CNGB3: variants seen among roughly 807,000 people sequenced by gnomAD.
The protein encoded by CNGB3 is cyclic nucleotide-gated channel beta-3.
Under a neutral mutation model 92.8 loss-of-function variants are expected in CNGB3, and 86 were observed. That is an observed-to-expected ratio of 0.93 (90% CI 0.78 to 1.11). The LOEUF (loss-of-function observed/expected upper bound fraction) is 1.11, where lower values mean the gene tolerates loss of function less well. Ranked by LOEUF, CNGB3 falls within the 50% of genes least tolerant of loss-of-function variation. The pLI is 0.00. For synonymous variants in CNGB3, 333 were observed against 332.7 expected (o/e 1.00, Z -0.01); for missense variants, 1,026 against 956.8 (o/e 1.07, Z -0.95).
At chr8:86,657,481 C>G (rs1823534263) in intron 6 of CNGB3, 4 of 515,428 alleles carry the variant, frequency 7.8e-6, no homozygotes, top group Non-Finnish European at 1.6e-5. Flanking sequence ...GGTTCTGCAT[C>G]TCAGGAAGCA....
chr8:86,714,266 G>A (rs1262026883), intron 3 of CNGB3, among the ~76,000 whole-genome samples: 1 of 152,014 alleles, frequency 6.6e-6, no homozygotes, highest in Non-Finnish European at 1.5e-5. Flanking sequence ...TGTAATCATA[G>A]AGTGTGTACA....
chr8:86,632,702 G>A (rs762944526), intron 11 of CNGB3, 50 bp downstream of exon 11: 3 of 1,588,534 alleles, frequency 1.9e-6, no homozygotes, highest in Non-Finnish European at 2.6e-6. Flanking sequence ...AGACCTGTTA[G>A]TCTTTCAAAA....
At chr8:86,628,793 T>C in intron 12 of CNGB3, 126 bp downstream of exon 12, 1 of 1,012,406 alleles carries the variant, frequency 9.9e-7, no homozygotes, top group Non-Finnish European at 1.5e-6. Flanking sequence ...ATTAAACGAA[T>C]GCTTTAAGGA....
In CNGB3 at chr8:86,575,906, G is replaced by A; in HGVS notation, c.2328C>T (p.Pro776=). The A allele has an allele frequency of 6.2e-7, 1 of 1,613,700 alleles. No individual in the cohort carries two copies. ...EPHSVRRTVL[P]RGTSRQSLII... is the part of the protein sequence containing the mutation. ...TGAGTGATTGACGAGAAGTCCCTCT[G>A]GGTAAAACTGTCCTTCTAACTGAGT... Residue 776 remains proline, a synonymous_variant, in exon 18 of 18, where the codon CCC becomes CCT. Transcript: ENST00000320005.
At chr8:86,739,411 C>T (rs1032209012) in intron 2 of CNGB3, among the ~76,000 whole-genome samples, 8 of 152,292 alleles carry the variant, frequency 5.3e-5, no homozygotes, top group African/African-American at 1.9e-4. Flanking sequence ...CATTACTGCA[C>T]CTCCAGCCCA....
chr8:86,638,450 G>A (rs187995118), intron 10 of CNGB3, among the ~76,000 whole-genome samples: 1 of 152,094 alleles, frequency 6.6e-6, no homozygotes, highest in African/African-American at 2.4e-5. Flanking sequence ...TAAATCTGTA[G>A]TGGGACATGC....
chr8:86,604,295 G>A (rs1822372861), intron 14 of CNGB3, 84 bp from the exon 15 acceptor site: 8 of 886,850 alleles, frequency 9.0e-6, no homozygotes. Context: ...AATTCTTTTA[G>A]AGGAGTAAAT....
chr8:86,630,918 G>A (rs1822949949), intron 11 of CNGB3, among the ~76,000 whole-genome samples: 1 of 152,156 alleles, frequency 6.6e-6, no homozygotes, highest in African/African-American at 2.4e-5. Flanking sequence ...TAGTCTCTAT[G>A]TGGGAATTTT....
intron 15 of CNGB3, among the ~76,000 whole-genome samples, chr8:86,585,415 T>A (rs1821872902): frequency 6.6e-6 from 1 of 152,114 alleles, no homozygotes; most frequent in African/African-American, 2.4e-5. Flanking sequence ...CTGCCACATG[T>A]AGATTACACA....
intron 2 of CNGB3, among the ~76,000 whole-genome samples, chr8:86,729,070 C>A (rs1469357705): frequency 6.6e-6 from 1 of 152,018 alleles, no homozygotes; most frequent in African/African-American, 2.4e-5. Context: ...GCCACCACAC[C>A]CAGTTAATTT....
intron 6 of CNGB3, among the ~76,000 whole-genome samples, chr8:86,665,722 G>T (rs1823729131): frequency 6.6e-6 from 1 of 152,096 alleles, no homozygotes; most frequent in South Asian, 2.1e-4. Flanking sequence ...CAGAACAATA[G>T]AAACTGGGGA....
chr8:86,672,653 TAGATTCCACTTA>T (rs1823883476), intron 3 of CNGB3, among the ~76,000 whole-genome samples: 1 of 152,168 alleles, frequency 6.6e-6, no homozygotes, highest in Admixed American at 6.5e-5. Context: ...GGGCAACTTG[TAGATTCCACTTA>T]AGAAAATCTC....
At chr8:86,738,855 A>AAG (rs1825291525) in intron 2 of CNGB3, among the ~76,000 whole-genome samples, 1 of 151,258 alleles carries the variant, frequency 6.6e-6, no homozygotes, top group Non-Finnish European at 1.5e-5. Context: ...AAAAAAAAAA[A>AAG]AGGGAAGTGG....
chr8:86,588,710 CT>C (rs1460674268), intron 15 of CNGB3, among the ~76,000 whole-genome samples: 1 of 148,916 alleles, frequency 6.7e-6, no homozygotes, highest in African/African-American at 2.5e-5. Context: ...GGTGGATAAG[CT>C]TTTTGATGTG....
chr8:86,634,964 CT>C (rs34047280), intron 10 of CNGB3, among the ~76,000 whole-genome samples: 9,514 of 143,980 alleles, frequency 0.066, 323 homozygotes, highest in South Asian at 0.09. Flanking sequence ...ACATAGGACT[CT>C]TTTTTTTTTT....
intron 7 of CNGB3, among the ~76,000 whole-genome samples, chr8:86,649,397 T>C (rs1823354450): frequency 6.6e-6 from 1 of 150,948 alleles, no homozygotes; most frequent in South Asian, 2.1e-4. Flanking sequence ...CTGAAGGCAT[T>C]ACACTACCAG....
intron 3 of CNGB3, among the ~76,000 whole-genome samples, chr8:86,694,341 C>G (rs377169410): frequency 7.0e-6 from 1 of 142,696 alleles, no homozygotes; most frequent in African/African-American, 2.6e-5. Flanking sequence ...GGCGGCTGGC[C>G]GGGCGGGGGG....
chr8:86,583,336 T>G (rs1821828476), intron 15 of CNGB3, among the ~76,000 whole-genome samples: 1 of 152,180 alleles, frequency 6.6e-6, no homozygotes, highest in Non-Finnish European at 1.5e-5. Flanking sequence ...ATTGGAAACA[T>G]TCTGTTGTAA....
At chr8:86,638,939 C>G (rs1399113995) in intron 10 of CNGB3, among the ~76,000 whole-genome samples, 1 of 151,856 alleles carries the variant, frequency 6.6e-6, no homozygotes, top group African/African-American at 2.4e-5. Context: ...TTTCCCCCCT[C>G]CTCCCTTTCC....
Sources: allele counts gnomAD v4.1 joint callset (sites outside exome capture counted in the v4.1 genomes callset), GRCh38; gene constraint gnomAD v4.1.1; transcripts MANE v1.5; gene names NCBI Gene and HGNC (gene_info 2026-07-23, HGNC 2026-07-21).